Variants in STAU2 observed in about 807,000 individuals in gnomAD.
The protein encoded by STAU2 is staufen double-stranded RNA binding protein 2.
A neutral mutation model predicts 65.9 loss-of-function variants in STAU2; 20 were observed. The observed-to-expected ratio is 0.30, with a 90% CI of 0.21 to 0.44. The LOEUF is 0.44. Ranked by LOEUF, STAU2 falls within the 20% of genes least tolerant of loss-of-function variation. The probability of loss-of-function intolerance (pLI) is 1.00; values close to 1 mark genes in which losing one functional copy is unlikely to be tolerated. For synonymous variants in STAU2, 232 were observed against 233.9 expected (o/e 0.99, Z 0.07); for missense variants, 558 against 683.9 (o/e 0.82, Z 2.05).
intron 9 of STAU2, among the ~76,000 whole-genome samples, chr8:73,605,480 T>C (rs955923827): frequency 3.9e-5 from 6 of 152,034 alleles, no homozygotes; most frequent in African/African-American, 1.4e-4. Context: ...GGTTAATCTC[T>C]GTATTTTTCA....
chr8:73,685,094 C>T (rs577102337), intron 5 of STAU2, among the ~76,000 whole-genome samples: 10 of 152,132 alleles, frequency 6.6e-5, no homozygotes, highest in African/African-American at 2.4e-4. Context: ...TTGGCAAGTT[C>T]CTCCTTCAGT....
At chr8:73,438,894 G>A (rs940323771) in intron 13 of STAU2, 3 of 455,208 alleles carry the variant, frequency 6.6e-6, no homozygotes, top group Non-Finnish European at 4.4e-6. Flanking sequence ...TGGGGAGCTT[G>A]ATTTGCTGGT....
At chr8:73,531,369 T>C (rs1474113664) in intron 13 of STAU2, among the ~76,000 whole-genome samples, 2 of 152,182 alleles carry the variant, frequency 1.3e-5, no homozygotes, top group Non-Finnish European at 2.9e-5. Flanking sequence ...AGGGGGTGAC[T>C]GGAGAAATAT....
chr8:73,504,573 C>A (rs1250194751), intron 13 of STAU2, among the ~76,000 whole-genome samples: 1 of 151,996 alleles, frequency 6.6e-6, no homozygotes, highest in Non-Finnish European at 1.5e-5. Flanking sequence ...AGAGACAACA[C>A]AGGGTGTGGG....
At chr8:73,664,899 T>G (rs1485460024) in intron 6 of STAU2, among the ~76,000 whole-genome samples, 2 of 152,042 alleles carry the variant, frequency 1.3e-5, no homozygotes, top group Non-Finnish European at 2.9e-5. Flanking sequence ...AATTGAGGCA[T>G]GAGAATCGCT....
intron 13 of STAU2, among the ~76,000 whole-genome samples, chr8:73,431,754 CTGTGTG>C (rs745634012): frequency 2.6e-5 from 4 of 151,376 alleles, no homozygotes; most frequent in African/African-American, 9.7e-5. Flanking sequence ...GCACGCACGC[CTGTGTG>C]TGTGTGTGTG....
chr8:73,705,317 G>A (rs114183920), intron 4 of STAU2, among the ~76,000 whole-genome samples: 1,922 of 152,190 alleles, frequency 0.013, 37 homozygotes, highest in African/African-American at 0.043. Context: ...CAACTCTAGC[G>A]AAGATTTTTT....
intron 6 of STAU2, among the ~76,000 whole-genome samples, chr8:73,644,224 C>T (rs766257571): frequency 2.4e-4 from 37 of 151,928 alleles, no homozygotes; most frequent in African/African-American, 1.2e-4. Flanking sequence ...TTAAACTGAA[C>T]GAAAATAAAA....
intron 13 of STAU2, among the ~76,000 whole-genome samples, chr8:73,524,229 G>A (rs1823218368): frequency 6.6e-6 from 1 of 152,156 alleles, no homozygotes; most frequent in Admixed American, 6.5e-5. Context: ...CTGGGACAAG[G>A]TGTAGCATGT....
At chr8:73,599,836 C>T (rs1413587179) in intron 10 of STAU2, among the ~76,000 whole-genome samples, 2 of 151,928 alleles carry the variant, frequency 1.3e-5, no homozygotes, top group African/African-American at 2.4e-5. Context: ...GGCGCAAACT[C>T]GGCTCACTGC....
At chr8:73,738,408 A>G in intron 2 of STAU2, 59 bp from the exon 3 acceptor site, 1 of 1,176,858 alleles carries the variant, frequency 8.5e-7, no homozygotes, top group African/African-American at 1.6e-5. Context: ...AATGACTGGT[A>G]TTTTAAACAC....
At chr8:73,497,233 C>T (rs973647765) in intron 13 of STAU2, among the ~76,000 whole-genome samples, 4 of 151,802 alleles carry the variant, frequency 2.6e-5, no homozygotes, top group African/African-American at 9.6e-5. Flanking sequence ...ATTTCACATT[C>T]TATGATGCAG....
At chr8:73,505,419 T>TA (rs926401588) in intron 13 of STAU2, among the ~76,000 whole-genome samples, 1 of 151,878 alleles carries the variant, frequency 6.6e-6, no homozygotes, top group African/African-American at 2.4e-5. Flanking sequence ...AAGTTAAAGC[T>TA]AAAAAAATTG....
chr8:73,503,551 A>T (rs1057329612), intron 13 of STAU2, among the ~76,000 whole-genome samples: 1 of 141,456 alleles, frequency 7.1e-6, no homozygotes, highest in Non-Finnish European at 1.6e-5. Context: ...CTTGTTTAAA[A>T]TCCAACAGCA....
chr8:73,689,868 C>T (rs1819203082), intron 4 of STAU2, among the ~76,000 whole-genome samples: 1 of 151,982 alleles, frequency 6.6e-6, no homozygotes, highest in Non-Finnish European at 1.5e-5. Flanking sequence ...TATATATCAA[C>T]AACCATGTAC....
intron 3 of STAU2, 83 bp from the exon 4 acceptor site, chr8:73,709,245 A>T: frequency 8.9e-7 from 1 of 1,125,292 alleles, no homozygotes; most frequent in Non-Finnish European, 1.2e-6. Context: ...TTGAAGGTAG[A>T]TTGTATATTT....
chr8:73,505,938 C>T (rs1280244846), intron 13 of STAU2, among the ~76,000 whole-genome samples: 1 of 151,944 alleles, frequency 6.6e-6, no homozygotes, highest in Non-Finnish European at 1.5e-5. Context: ...TATCTGGCAC[C>T]TCCTCCCTCT....
intron 6 of STAU2, among the ~76,000 whole-genome samples, chr8:73,630,844 T>A (rs1162858569): frequency 6.6e-6 from 1 of 152,236 alleles, no homozygotes; most frequent in Non-Finnish European, 1.5e-5. Context: ...TCTTTGATAT[T>A]CTACAATGTT....
upstream of STAU2, chr8:73,747,176 G>A (rs1251253548): frequency 1.9e-6 from 1 of 530,888 alleles, no homozygotes; most frequent in Non-Finnish European, 3.2e-6. Context: ...GCCATTCCCG[G>A]GGGGCTTGGG....
Sources: gnomAD v4.1 joint callset for allele counts (sites outside exome capture counted in the v4.1 genomes callset) on GRCh38, gnomAD v4.1.1 for gene constraint, MANE v1.5 for transcripts, NCBI Gene and HGNC (gene_info 2026-07-23, HGNC 2026-07-21) for gene names.